Variants in EXOC4 observed in about 807,000 individuals in gnomAD.
The protein encoded by EXOC4 is exocyst complex component 4.
Under a neutral mutation model 107.2 loss-of-function variants are expected in EXOC4, and 71 were observed. That is an observed-to-expected ratio of 0.66 (90% CI 0.55 to 0.81). The LOEUF is 0.81. Among genes scored for constraint, EXOC4 ranks in the 30% least tolerant of loss-of-function variants. The pLI is 0.00. For synonymous variants in EXOC4, 456 were observed against 441.2 expected, an observed-to-expected ratio of 1.03 and a Z score of -0.42; for missense variants, 1,108 against 1,189.6, an observed-to-expected ratio of 0.93 and a Z score of 1.01.
chr7:134,019,834 G>A (rs1408395331), intron 17 of EXOC4, among the ~76,000 whole-genome samples: 1 of 152,130 alleles, frequency 6.6e-6, no homozygotes, highest in Admixed American at 6.5e-5. Context: ...CTGGTTGGGT[G>A]TCTTTCCCCC....
intron 2 of EXOC4, among the ~76,000 whole-genome samples, chr7:133,286,530 A>G (rs1794281473): frequency 6.6e-6 from 1 of 152,152 alleles, no homozygotes; most frequent in Admixed American, 6.5e-5. Flanking sequence ...TGTGTGTAAG[A>G]GGCAGGCACT....
At chr7:133,378,300 A>T (rs1030329808) in intron 7 of EXOC4, among the ~76,000 whole-genome samples, 4 of 129,078 alleles carry the variant, frequency 3.1e-5, no homozygotes, top group South Asian at 2.6e-4. Context: ...GCAGAGTGAG[A>T]CTCCATCTCA....
chr7:133,620,081 G>T (rs889721483), intron 9 of EXOC4, among the ~76,000 whole-genome samples: 2 of 151,724 alleles, frequency 1.3e-5, no homozygotes, highest in African/African-American at 4.9e-5. Flanking sequence ...GGAGTGCAGC[G>T]GCCTAATCTT....
At position 133,733,577 on chromosome 7, in the gene EXOC4, TG is replaced by T. The variant is rs1184321597; in HGVS notation, c.1515-83747del. On this transcript the variant is annotated intron_variant, in intron 10 of 17. Transcript: ENST00000253861. ...TTTTTGCCACTTTTTGTAAGGCACT[TG>T]TTCTTGGCAACTGCCGTGCTGCTAC... 5 of 152,354 alleles carry T rather than the reference TG, an allele frequency of 3.3e-5. 1 individual carries two copies. Among genetic ancestry groups the T allele is most frequent in the Admixed American group, 3.3e-4 (5 of 15,304 alleles). The allele number at this position is 152,354 out of a possible 1,614,324, so 9.4% of individuals were successfully genotyped here.
chr7:133,974,597 T>C lies in EXOC4; in HGVS notation c.2207-22895T>C, dbSNP rs1311248034. 2.0e-5 allele frequency among the ~76,000 whole-genome samples: 3 copies of C among 152,352 alleles called. No homozygotes were observed. The East Asian group carries it at 5.8e-4, about 29-fold the overall frequency. The stretch of plus-strand genomic sequence containing the variant: ...ACCTACTAGAAGCAGCAACATGGAC[T>C]CACTTGAATGGCATTTTGTTCGTGC... On this transcript the variant is annotated intron_variant, in intron 14 of 17. Transcript: ENST00000253861.
chr7:133,913,292 C>T (rs1799736455), intron 12 of EXOC4, among the ~76,000 whole-genome samples: 1 of 152,054 alleles, frequency 6.6e-6, no homozygotes, highest in South Asian at 2.1e-4. Context: ...CTTGGTCTTA[C>T]CTGGAATTAG....
At chr7:133,793,593 C>T (rs1796750086) in intron 10 of EXOC4, among the ~76,000 whole-genome samples, 1 of 152,162 alleles carries the variant, frequency 6.6e-6, no homozygotes, top group African/African-American at 2.4e-5. Context: ...ACCTGTAACC[C>T]TAACACTTTG....
chr7:134,064,479 A>C lies in EXOC4; in HGVS notation c.2876A>C (p.Gln959Pro). The change falls in exon 18 of 18, where the codon CAG becomes CCG. Residue 959 changes from glutamine to proline, a missense_variant. Transcript: ENST00000253861. Reference sequence around the variant, plus strand: ...AGGCTCAAAGAGATCATCTGCGAGCAGGCTGCCATCAAGCAAGCCACCAAG... The same window carrying C: ...AGGCTCAAAGAGATCATCTGCGAGCCGGCTGCCATCAAGCAAGCCACCAAG... The part of the protein sequence containing the change: ...LQRLKEIICE[Q>P]AAIKQATKDK... The C allele has an allele frequency of 6.2e-7, 1 of 1,607,346 alleles. No individual in the cohort carries two copies.
chr7:134,040,889 G>T (rs1390711620), intron 17 of EXOC4, among the ~76,000 whole-genome samples: 1 of 152,118 alleles, frequency 6.6e-6, no homozygotes, highest in Non-Finnish European at 1.5e-5. Flanking sequence ...AGGTGGTCGG[G>T]CCTTCTCTTT....
At position 133,435,291 on chromosome 7, in the gene EXOC4, T is replaced by TA. The variant is rs370423417; in HGVS notation, c.1183-40027dup. 5.2e-4 allele frequency among the ~76,000 whole-genome samples: 78 copies of TA among 149,878 alleles called. No homozygotes were observed. In the East Asian group the frequency reaches 7.8e-3, roughly 15 times the overall value. On this transcript the variant is annotated intron_variant, in intron 7 of 17. Coordinates refer to ENST00000253861, the MANE Select transcript of EXOC4 (RefSeq NM_021807.4). ...TGCTGAACCAGTCCCAGACTTCCATTAAAAAAAAAATCATACTTGTTCACT... is the reference window on the plus strand; with the variant it reads ...TGCTGAACCAGTCCCAGACTTCCATTAAAAAAAAAAATCATACTTGTTCACT...
chr7:133,982,861 G>A (rs1322218850), intron 14 of EXOC4, among the ~76,000 whole-genome samples: 1 of 152,186 alleles, frequency 6.6e-6, no homozygotes, highest in Non-Finnish European at 1.5e-5. Flanking sequence ...GTACTTACCT[G>A]CTGGTTTCAG....
chr7:133,878,515 T>C (rs933326607), intron 11 of EXOC4, among the ~76,000 whole-genome samples: 2 of 152,226 alleles, frequency 1.3e-5, no homozygotes, highest in African/African-American at 4.8e-5. Flanking sequence ...TATATTCATA[T>C]TCTATCTCAT....
At chr7:133,682,082 G>A (rs561419167) in intron 10 of EXOC4, among the ~76,000 whole-genome samples, 1 of 152,056 alleles carries the variant, frequency 6.6e-6, no homozygotes, top group Admixed American at 6.5e-5. Flanking sequence ...TCTTTTTTAA[G>A]AGATGGGATC....
At chr7:133,840,136 G>C (rs1048715896) in intron 11 of EXOC4, among the ~76,000 whole-genome samples, 5 of 152,170 alleles carry the variant, frequency 3.3e-5, no homozygotes, top group Non-Finnish European at 4.4e-5. Context: ...TATTAACAAA[G>C]ATATAGTGGC....
At chr7:133,810,226 C>T (rs1193135194) in intron 10 of EXOC4, among the ~76,000 whole-genome samples, 1 of 152,182 alleles carries the variant, frequency 6.6e-6, no homozygotes, top group Non-Finnish European at 1.5e-5. Flanking sequence ...AAGGATATTT[C>T]CAGCTGGTAG....
At chr7:133,870,683 G>A (rs1384758260) in intron 11 of EXOC4, among the ~76,000 whole-genome samples, 1 of 152,196 alleles carries the variant, frequency 6.6e-6, no homozygotes, top group Non-Finnish European at 1.5e-5. Flanking sequence ...AGAGAGTTGA[G>A]GGTAGGTGGC....
chr7:133,864,278 T>C (rs1000104488), intron 11 of EXOC4, among the ~76,000 whole-genome samples: 2 of 152,158 alleles, frequency 1.3e-5, no homozygotes, highest in Non-Finnish European at 2.9e-5. Flanking sequence ...CTCTGTGAGA[T>C]AGGTTATTTC....
rs541117848 is a variant in EXOC4 at position 134,000,733 on chromosome 7, T to C, written c.2348+3100T>C. 7.7e-4 allele frequency among the ~76,000 whole-genome samples: 117 copies of C among 152,292 alleles called. 1 individual carries two copies. The highest frequency in any genetic ancestry group is 1.3e-3 in the Non-Finnish European group (90 of 68,014). On this transcript the variant is annotated intron_variant, in intron 15 of 17. Transcript: ENST00000253861. ...AAAAGAATTAGAACGTAGGCCCGGT[T>C]GTCCAGGAGCTGGTGTGGTGAAAAA...
chr7:133,330,893 A>G (rs1030567572), intron 5 of EXOC4, among the ~76,000 whole-genome samples: 6 of 150,812 alleles, frequency 4.0e-5, no homozygotes, highest in African/African-American at 9.8e-5. Context: ...AGCTGTTCCT[A>G]TTCGGCCATC....
Sources: gnomAD v4.1 joint callset for allele counts (sites outside exome capture counted in the v4.1 genomes callset) on GRCh38, gnomAD v4.1.1 for gene constraint, MANE v1.5 for transcripts, NCBI Gene and HGNC (gene_info 2026-07-23, HGNC 2026-07-21) for gene names.